Variants in DCDC2 observed in about 807,000 individuals in gnomAD.
The protein encoded by DCDC2 is doublecortin domain-containing protein 2.
In DCDC2, 40 loss-of-function variants were observed where a neutral mutation model predicts 50.2. That is an observed-to-expected ratio of 0.80 (90% confidence interval 0.62 to 1.04). The LOEUF is 1.04. DCDC2 is among the 50% of genes least tolerant of loss of function. DCDC2 has a pLI of 0.00. For synonymous variants in DCDC2, 234 were observed against 210.6 expected, an observed-to-expected ratio of 1.11 and a Z score of -0.96; for missense variants, 570 against 581.9, an observed-to-expected ratio of 0.98 and a Z score of 0.21.
chr6:24,285,477 C>G (rs891189710), intron 6 of DCDC2, among the ~76,000 whole-genome samples: 2 of 152,096 alleles, frequency 1.3e-5, no homozygotes, highest in Non-Finnish European at 2.9e-5. Flanking sequence ...GCTTGTTTCA[C>G]TTTTGTCTAC....
At chr6:24,246,906 T>TATA (rs1353249804) in intron 7 of DCDC2, among the ~76,000 whole-genome samples, 21 of 152,184 alleles carry the variant, frequency 1.4e-4, no homozygotes, top group Non-Finnish European at 2.8e-4. Flanking sequence ...ATGAAGCATA[T>TATA]ATAACTAAGT....
At chr6:24,313,219 T>C (rs896516638) in intron 2 of DCDC2, among the ~76,000 whole-genome samples, 5 of 152,210 alleles carry the variant, frequency 3.3e-5, no homozygotes, top group Admixed American at 3.3e-4. Context: ...AAATAAATGT[T>C]ACTTGAATAC....
At chr6:24,197,532 C>CT (rs1761473087) in intron 8 of DCDC2, among the ~76,000 whole-genome samples, 1 of 152,200 alleles carries the variant, frequency 6.6e-6, no homozygotes, top group Non-Finnish European at 1.5e-5. Flanking sequence ...TAAAGTTTCA[C>CT]TTTCCCTCAG....
intron 6 of DCDC2, among the ~76,000 whole-genome samples, chr6:24,279,441 C>T (rs544888700): frequency 3.3e-5 from 5 of 152,058 alleles, no homozygotes; most frequent in African/African-American, 7.2e-5. Context: ...ATCAGCCTGG[C>T]GTGCTGGTAC....
chr6:24,328,575 A>T, intron 2 of DCDC2, among the ~76,000 whole-genome samples: 1 of 152,194 alleles, frequency 6.6e-6, no homozygotes, highest in East Asian at 1.9e-4. Flanking sequence ...CCCCAGAGGT[A>T]TATTGATCAA....
intron 2 of DCDC2, among the ~76,000 whole-genome samples, chr6:24,311,451 T>G (rs1759569442): frequency 6.6e-6 from 1 of 152,216 alleles, no homozygotes. Flanking sequence ...ATACTTTAAT[T>G]AAACAACAAT....
chr6:24,198,120 C>T (rs1344659822), intron 8 of DCDC2, among the ~76,000 whole-genome samples: 2 of 152,176 alleles, frequency 1.3e-5, no homozygotes, highest in Non-Finnish European at 2.9e-5. Flanking sequence ...TTTATACAGG[C>T]AATTCCTTTA....
chr6:24,285,630 A>G (rs1050892621), intron 6 of DCDC2, among the ~76,000 whole-genome samples: 9 of 152,212 alleles, frequency 5.9e-5, no homozygotes, highest in African/African-American at 2.2e-4. Context: ...CACAGTATTC[A>G]CAGCACAGTC....
intron 7 of DCDC2, among the ~76,000 whole-genome samples, chr6:24,264,192 G>A (rs1387183270): frequency 6.6e-6 from 1 of 152,104 alleles, no homozygotes; most frequent in African/African-American, 2.4e-5. Flanking sequence ...AAAAGCTGAG[G>A]GATTTTATCA....
At chr6:24,319,957 C>A (rs1287974287) in intron 2 of DCDC2, among the ~76,000 whole-genome samples, 1 of 150,048 alleles carries the variant, frequency 6.7e-6, no homozygotes, top group Non-Finnish European at 1.5e-5. Flanking sequence ...GATACAGTAA[C>A]AAATGAACCT....
the DCDC2 span, among the ~76,000 whole-genome samples, chr6:24,379,044 C>T: frequency 6.7e-6 from 1 of 148,376 alleles, no homozygotes; most frequent in Non-Finnish European, 1.5e-5. Flanking sequence ...CAAAAATTAA[C>T]TCAAGATGGA....
At chr6:24,215,330 T>C (rs547541159) in intron 7 of DCDC2, among the ~76,000 whole-genome samples, 29 of 152,114 alleles carry the variant, frequency 1.9e-4, no homozygotes, top group Non-Finnish European at 3.4e-4. Context: ...TGGCTGGGTA[T>C]AAGGCTGTCT....
chr6:24,257,834 G>C (rs1202756733), intron 7 of DCDC2, among the ~76,000 whole-genome samples: 1 of 152,166 alleles, frequency 6.6e-6, no homozygotes, highest in Non-Finnish European at 1.5e-5. Context: ...AAAAAAGGCT[G>C]CAGTAGTCTG....
chr6:24,290,017 GGAGTCTCGCTCTGT>G (rs1763708277), intron 5 of DCDC2, among the ~76,000 whole-genome samples: 1 of 100,618 alleles, frequency 9.9e-6, no homozygotes, highest in Non-Finnish European at 1.8e-5. Flanking sequence ...TTTTTGAGAC[GGAGTCTCGCTCTGT>G]CGCCCAGGCT....
chr6:24,184,447 A>G (rs2791969), intron 8 of DCDC2, among the ~76,000 whole-genome samples: 146,969 of 152,050 alleles, frequency 0.97, 71,039 homozygotes, highest in East Asian at 1. Context: ...GGTGGTGCAT[A>G]TCTGTAATCC....
chr6:24,290,559 A>G (rs1239833512), intron 5 of DCDC2, among the ~76,000 whole-genome samples: 2 of 152,186 alleles, frequency 1.3e-5, no homozygotes, highest in Non-Finnish European at 2.9e-5. Context: ...TTCTATCCAA[A>G]CCAACTGAAA....
At chr6:24,198,611 T>G (rs181752425) in intron 8 of DCDC2, among the ~76,000 whole-genome samples, 16 of 151,982 alleles carry the variant, frequency 1.1e-4, no homozygotes, top group Middle Eastern at 3.4e-3. Context: ...AGCTACAGTT[T>G]TTTTTTTTTC....
intron 7 of DCDC2, among the ~76,000 whole-genome samples, chr6:24,253,603 T>C (rs1006128792): frequency 2.0e-5 from 3 of 152,202 alleles, no homozygotes. Context: ...TACAAACCTA[T>C]ACAGCATGCT....
intron 4 of DCDC2, among the ~76,000 whole-genome samples, chr6:24,298,712 A>C (rs984173256): frequency 1.3e-5 from 2 of 152,218 alleles, no homozygotes; most frequent in Non-Finnish European, 2.9e-5. Flanking sequence ...AAACAATGAA[A>C]TACTATTTTC....
Sources: allele counts gnomAD v4.1 joint callset (sites outside exome capture counted in the v4.1 genomes callset), GRCh38; gene constraint gnomAD v4.1.1; transcripts MANE v1.5; gene names NCBI Gene and HGNC (gene_info 2026-07-23, HGNC 2026-07-21).